Variants in GPHN observed in about 807,000 individuals in gnomAD.
GPHN encodes the protein gephyrin.
Under a neutral mutation model 95.5 loss-of-function variants are expected in GPHN, and 17 were observed. The observed-to-expected ratio is 0.18, with a 90% CI of 0.12 to 0.27. The LOEUF (loss-of-function observed/expected upper bound fraction) is 0.27. Among genes scored for constraint, GPHN ranks in the 10% least tolerant of loss-of-function variants. The pLI is 1.00. For synonymous variants in GPHN, 320 were observed against 322.5 expected, an observed-to-expected ratio of 0.99 and a Z score of 0.08; for missense variants, 660 against 978.1, an observed-to-expected ratio of 0.67 and a Z score of 4.34.
intron 1 of GPHN, among the ~76,000 whole-genome samples, chr14:66,640,424 C>T (rs906480240): frequency 6.6e-6 from 1 of 151,856 alleles, no homozygotes; most frequent in Non-Finnish European, 1.5e-5. Flanking sequence ...TCTGCCTCAA[C>T]AAAACAACAA....
At chr14:67,326,117 G>A in the GPHN span, among the ~76,000 whole-genome samples, 1 of 149,220 alleles carries the variant, frequency 6.7e-6, no homozygotes, top group East Asian at 2.0e-4. Flanking sequence ...GAGCCACCGT[G>A]CCCGGCCAGC....
chr14:67,492,295 G>A, the GPHN span, among the ~76,000 whole-genome samples: 11 of 152,276 alleles, frequency 7.2e-5, no homozygotes, highest in East Asian at 1.2e-3. Context: ...CTGCCTGGCC[G>A]CCGTCCCAGA....
the GPHN span, among the ~76,000 whole-genome samples, chr14:67,300,887 T>G: frequency 6.6e-6 from 1 of 152,104 alleles, no homozygotes; most frequent in Non-Finnish European, 1.5e-5. Flanking sequence ...AGACAGGGTC[T>G]CACTGTGTTG....
Position 67,024,199 on chromosome 14 carries a change from A to G in GPHN, c.1006+524A>G, listed in dbSNP as rs577833978. Among the ~76,000 whole-genome samples the G allele has an allele frequency of 2.6e-5, 4 of 152,352 alleles. No homozygotes were observed. In the East Asian group the frequency reaches 5.8e-4, roughly 22 times the overall value. ...TATTGGTTTGATCACTAATAGCATT[A>G]ACTCAGGAGTCATTTAACTCTGTAT... On this transcript the variant is annotated intron_variant, in intron 10 of 22. Transcript: ENST00000478722.
intron 1 of GPHN, among the ~76,000 whole-genome samples, chr14:66,564,348 A>G (rs2060375555): frequency 6.6e-6 from 1 of 152,194 alleles, no homozygotes; most frequent in South Asian, 2.1e-4. Flanking sequence ...AAACTTGGAA[A>G]GACAAAGTCA....
At chr14:67,466,238 C>T in the GPHN span, among the ~76,000 whole-genome samples, 1 of 152,228 alleles carries the variant, frequency 6.6e-6, no homozygotes, top group African/African-American at 2.4e-5. Context: ...AGGCAAAGAG[C>T]CAGACCATAT....
At chr14:67,388,226 G>A in the GPHN span, 2 of 1,609,216 alleles carry the variant, frequency 1.2e-6, no homozygotes, top group Admixed American at 1.7e-5. Context: ...TACCTTACCA[G>A]TGGGAACGCC....
At chr14:67,046,500 A>G (rs957573483) in intron 10 of GPHN, among the ~76,000 whole-genome samples, 1 of 152,190 alleles carries the variant, frequency 6.6e-6, no homozygotes, top group African/African-American at 2.4e-5. Flanking sequence ...TTTATATACT[A>G]TTCTAAGGAA....
chr14:66,744,676 G>A (rs1463165521), intron 2 of GPHN, among the ~76,000 whole-genome samples: 1 of 152,180 alleles, frequency 6.6e-6, no homozygotes, highest in Non-Finnish European at 1.5e-5. Context: ...AATACTGAAA[G>A]ATTAGGAATT....
At chr14:67,377,911 C>T in the GPHN span, among the ~76,000 whole-genome samples, 2 of 151,372 alleles carry the variant, frequency 1.3e-5, no homozygotes, top group African/African-American at 4.9e-5. Flanking sequence ...AGTTGGAGAC[C>T]ATCCTGGGCA....
the GPHN span, among the ~76,000 whole-genome samples, chr14:67,260,717 A>G: frequency 6.6e-6 from 1 of 152,206 alleles, no homozygotes; most frequent in East Asian, 1.9e-4. Context: ...GCAGTATGTC[A>G]AAGTTTAATG....
intron 3 of GPHN, among the ~76,000 whole-genome samples, chr14:66,810,556 ATTC>A (rs1458091627): frequency 2.0e-5 from 3 of 152,032 alleles, no homozygotes; most frequent in South Asian, 2.1e-4. Context: ...TATCACAGAA[ATTC>A]TTCTTTTTCT....
chr14:67,280,366 A>G, the GPHN span, among the ~76,000 whole-genome samples: 1 of 152,222 alleles, frequency 6.6e-6, no homozygotes. Context: ...TTTAGGTGTG[A>G]AAAAAGATAT....
At chr14:66,812,326 C>G (rs1030113652) in intron 3 of GPHN, among the ~76,000 whole-genome samples, 1 of 152,090 alleles carries the variant, frequency 6.6e-6, no homozygotes, top group Non-Finnish European at 1.5e-5. Context: ...TTAAAAAAAT[C>G]AATATTATAA....
intron 5 of GPHN, among the ~76,000 whole-genome samples, chr14:66,899,114 G>A (rs2065003593): frequency 7.2e-6 from 1 of 139,588 alleles, no homozygotes; most frequent in Non-Finnish European, 1.5e-5. Flanking sequence ...ATTCTAGGAG[G>A]GCTTTTTCTT....
chr14:67,501,217 C>A, the GPHN span, among the ~76,000 whole-genome samples: 1 of 152,024 alleles, frequency 6.6e-6, no homozygotes, highest in African/African-American at 2.4e-5. Context: ...TCAGTTCATC[C>A]CAGAGTCATG....
At chr14:67,538,633 C>G in the GPHN span, among the ~76,000 whole-genome samples, 1 of 152,106 alleles carries the variant, frequency 6.6e-6, no homozygotes, top group South Asian at 2.1e-4. Flanking sequence ...GCCTCTGGGC[C>G]TTGGGTTTGG....
At chr14:66,561,431 T>C (rs2060237367) in intron 1 of GPHN, among the ~76,000 whole-genome samples, 1 of 152,166 alleles carries the variant, frequency 6.6e-6, no homozygotes. Context: ...GTTATTGGTC[T>C]ATTCTGTATT....
intron 1 of GPHN, among the ~76,000 whole-genome samples, chr14:66,599,460 C>A (rs1315745809): frequency 1.6e-5 from 2 of 124,398 alleles, no homozygotes; most frequent in African/African-American, 7.1e-5. Context: ...ACAGTCTTCT[C>A]GATTATTTTA....
Sources: allele counts gnomAD v4.1 joint callset (sites outside exome capture counted in the v4.1 genomes callset), GRCh38; gene constraint gnomAD v4.1.1; transcripts MANE v1.5; gene names NCBI Gene and HGNC (gene_info 2026-07-23, HGNC 2026-07-21).